Variants in FGF14 observed in about 807,000 individuals in gnomAD.
FGF14 encodes the protein fibroblast growth factor homologous factor 4.
FGF14 carries 5 observed loss-of-function variants against 25.5 expected under a neutral mutation model. The observed-to-expected ratio is 0.20, with a 90% confidence interval of 0.10 to 0.41. The LOEUF is 0.41. FGF14 is among the 10% of genes least tolerant of loss of function. FGF14 has a pLI of 1.00. For synonymous variants in FGF14, 138 were observed against 118.3 expected, an observed-to-expected ratio of 1.17 and a Z score of -1.08; for missense variants, 222 against 320.1, an observed-to-expected ratio of 0.69 and a Z score of 2.34.
chr13:102,119,526 A>G (rs184996122), intron 1 of FGF14, among the ~76,000 whole-genome samples: 1 of 152,324 alleles, frequency 6.6e-6, no homozygotes, highest in Non-Finnish European at 1.5e-5. Flanking sequence ...TAAGGAGAAT[A>G]ATGGTATGTG....
chr13:102,205,832 G>A (rs1456011615), intron 1 of FGF14, among the ~76,000 whole-genome samples: 1 of 150,510 alleles, frequency 6.6e-6, no homozygotes, highest in Non-Finnish European at 1.5e-5. Flanking sequence ...TGCAAAATGG[G>A]AAGTGGAAAG....
chr13:101,923,440 G>A (rs2034147777), intron 1 of FGF14, among the ~76,000 whole-genome samples: 2 of 151,982 alleles, frequency 1.3e-5, no homozygotes. Flanking sequence ...AAAAGTAATC[G>A]ATATTGATGT....
intron 1 of FGF14, among the ~76,000 whole-genome samples, chr13:102,121,187 A>C (rs1343005344): frequency 6.6e-6 from 1 of 151,556 alleles, no homozygotes; most frequent in Non-Finnish European, 1.5e-5. Flanking sequence ...CTTGCCCACA[A>C]CTTCCTTCCA....
intron 1 of FGF14, among the ~76,000 whole-genome samples, chr13:102,076,249 T>A (rs1595188192): frequency 6.6e-6 from 1 of 152,160 alleles, no homozygotes; most frequent in African/African-American, 2.4e-5. Flanking sequence ...CCTAGGCAGG[T>A]GTATCACTTT....
intron 3 of FGF14, among the ~76,000 whole-genome samples, chr13:101,734,497 TA>T (rs1349126325): frequency 1.3e-5 from 2 of 152,196 alleles, no homozygotes; most frequent in Admixed American, 6.5e-5. Flanking sequence ...ATAATCCTTG[TA>T]AGATGAACAG....
chr13:102,338,935 C>A (rs1055360865), intron 1 of FGF14, among the ~76,000 whole-genome samples: 1 of 151,212 alleles, frequency 6.6e-6, no homozygotes, highest in South Asian at 2.1e-4. Context: ...CCCTTGAACC[C>A]GGGAGGTGGA....
chr13:102,166,937 A>ATAACCCC (rs1159607322), intron 1 of FGF14, among the ~76,000 whole-genome samples: 1 of 152,092 alleles, frequency 6.6e-6, no homozygotes, highest in Non-Finnish European at 1.5e-5. Flanking sequence ...GAATATCAAG[A>ATAACCCC]ATTGGCTGTT....
chr13:102,013,962 T>C (rs1215345615), intron 1 of FGF14, among the ~76,000 whole-genome samples: 1 of 152,178 alleles, frequency 6.6e-6, no homozygotes, highest in African/African-American at 2.4e-5. Context: ...TAATGTTCAA[T>C]GAGTGATTTC....
chr13:101,916,155 G>GA (rs1161400815), intron 1 of FGF14, among the ~76,000 whole-genome samples: 6 of 152,242 alleles, frequency 3.9e-5, no homozygotes, highest in Non-Finnish European at 8.8e-5. Flanking sequence ...ATCCTCCCGG[G>GA]AAGCCGAGAC....
intron 1 of FGF14, among the ~76,000 whole-genome samples, chr13:101,938,076 G>A (rs1874510013): frequency 6.6e-6 from 1 of 152,182 alleles, no homozygotes; most frequent in Admixed American, 6.5e-5. Context: ...CTTCCAGACA[G>A]GGCACCACAG....
intron 1 of FGF14, among the ~76,000 whole-genome samples, chr13:102,135,058 C>CA (rs1490400588): frequency 7.2e-6 from 1 of 138,158 alleles, no homozygotes; most frequent in African/African-American, 2.9e-5. Flanking sequence ...CACACACACA[C>CA]ACAAATCCGC....
chr13:101,833,679 A>G (rs1264554190), intron 3 of FGF14, among the ~76,000 whole-genome samples: 1 of 152,102 alleles, frequency 6.6e-6, no homozygotes, highest in East Asian at 1.9e-4. Context: ...ATGTACATAC[A>G]TATATAGAAA....
chr13:102,249,594 G>A (rs1235833546), intron 1 of FGF14, among the ~76,000 whole-genome samples: 5 of 151,900 alleles, frequency 3.3e-5, no homozygotes, highest in East Asian at 1.9e-4. Context: ...ACACATGGGC[G>A]CATGCACATT....
At chr13:102,047,697 G>A (rs1221738543) in intron 1 of FGF14, among the ~76,000 whole-genome samples, 2 of 152,012 alleles carry the variant, frequency 1.3e-5, no homozygotes, top group African/African-American at 2.4e-5. Flanking sequence ...TGGGAAGGGG[G>A]AGGGATAGCA....
chr13:102,023,011 G>A (rs1348113505), intron 1 of FGF14, among the ~76,000 whole-genome samples: 3 of 148,906 alleles, frequency 2.0e-5, no homozygotes, highest in African/African-American at 7.4e-5. Flanking sequence ...AGTCAATTAG[G>A]AAAACTGTAC....
At chr13:102,290,480 T>A (rs2054329617) in intron 1 of FGF14, among the ~76,000 whole-genome samples, 1 of 152,140 alleles carries the variant, frequency 6.6e-6, no homozygotes, top group African/African-American at 2.4e-5. Flanking sequence ...ACACAGCACA[T>A]CATCAAAATT....
At chr13:102,339,513 A>G (rs2056888183) in intron 1 of FGF14, among the ~76,000 whole-genome samples, 1 of 152,206 alleles carries the variant, frequency 6.6e-6, no homozygotes, top group Non-Finnish European at 1.5e-5. Flanking sequence ...TCTACATCAT[A>G]TGCTTAAAAA....
intron 1 of FGF14, among the ~76,000 whole-genome samples, chr13:102,310,714 G>C (rs1303295534): frequency 1.4e-5 from 1 of 72,404 alleles, no homozygotes; most frequent in Non-Finnish European, 2.8e-5. Context: ...GGGGGGTGGG[G>C]GTTGTTTAAC....
intron 1 of FGF14, among the ~76,000 whole-genome samples, chr13:102,358,940 C>A (rs191797399): frequency 6.6e-6 from 1 of 152,078 alleles, no homozygotes; most frequent in Non-Finnish European, 1.5e-5. Flanking sequence ...CAGTGATAAA[C>A]TGGATAAAGA....
Sources: gnomAD v4.1 joint callset for allele counts (sites outside exome capture counted in the v4.1 genomes callset) on GRCh38, gnomAD v4.1.1 for gene constraint, MANE v1.5 for transcripts, NCBI Gene and HGNC (gene_info 2026-07-23, HGNC 2026-07-21) for gene names.